The following RBM20 variants were observed in gnomAD, a reference collection of about 807,000 sequenced individuals.
The protein encoded by RBM20 is RNA-binding protein 20.
Under a neutral mutation model 110.1 loss-of-function variants are expected in RBM20, and 51 were observed. The observed-to-expected ratio is 0.46, with a 90% CI of 0.37 to 0.59. The LOEUF is 0.59. Among genes scored for constraint, RBM20 ranks in the 20% least tolerant of loss-of-function variants. RBM20 has a pLI of 0.00. For synonymous variants in RBM20, 589 were observed against 618.2 expected (o/e 0.95, Z 0.70); for missense variants, 1,512 against 1,574.9 (o/e 0.96, Z 0.68).
chr10:110,705,165 T>C (rs1702512803), intron 1 of RBM20, among the ~76,000 whole-genome samples: 1 of 152,232 alleles, frequency 6.6e-6, no homozygotes, highest in South Asian at 2.1e-4. Flanking sequence ...TTGGGTCATT[T>C]TGATGGAGTG....
chr10:110,679,931 C>T (rs116334184), intron 1 of RBM20, among the ~76,000 whole-genome samples: 171 of 152,318 alleles, frequency 1.1e-3, no homozygotes, highest in African/African-American at 3.8e-3. Flanking sequence ...CAGAGACGGT[C>T]GGCGGGCACC....
At chr10:110,709,423 C>T (rs1862889236) in intron 1 of RBM20, among the ~76,000 whole-genome samples, 1 of 152,156 alleles carries the variant, frequency 6.6e-6, no homozygotes, top group Non-Finnish European at 1.5e-5. Context: ...GCCAGCATTG[C>T]TGCCTGTCTG....
intron 1 of RBM20, among the ~76,000 whole-genome samples, chr10:110,646,106 G>A (rs753053883): frequency 1.3e-5 from 2 of 152,116 alleles, no homozygotes; most frequent in African/African-American, 2.4e-5. Flanking sequence ...GATGTGCTTC[G>A]TACGGAGCCA....
intron 1 of RBM20, among the ~76,000 whole-genome samples, chr10:110,650,300 G>A (rs1861927835): frequency 6.6e-6 from 1 of 152,216 alleles, no homozygotes; most frequent in Admixed American, 6.5e-5. Context: ...GATTTTATAA[G>A]ATAAGTAAGT....
chr10:110,659,523 G>A (rs780000257), intron 1 of RBM20, among the ~76,000 whole-genome samples: 5 of 152,166 alleles, frequency 3.3e-5, no homozygotes, highest in Non-Finnish European at 7.3e-5. Flanking sequence ...AGGCCAGATT[G>A]TGTGCAGGCA....
Position 110,812,536 on chromosome 10 carries a change from C to G in RBM20, c.2139C>G (p.His713Gln). ...ACCCCTGGGCACATGATCGCAAACA[C>G]CACCCCCGGCAACTGGACAAGGCTG... ...RMDPWAHDRK[H>Q]HPRQLDKAEL... Residue 713 changes from histidine to glutamine, a missense_variant, in exon 9 of 14, where the codon CAC becomes CAG. By Grantham distance (24) the His-to-Gln change is conservative. Coordinates refer to ENST00000369519, the MANE Select transcript of RBM20 (RefSeq NM_001134363.3). The G allele has an allele frequency of 6.4e-7, 1 of 1,551,742 alleles. No individual in the cohort carries two copies. The highest frequency in any genetic ancestry group is 8.7e-7 in the Non-Finnish European group (1 of 1,147,004).
rs571425920 is a variant in RBM20 at position 110,767,240 on chromosome 10, G to T, written c.192-13561G>T. 1.1e-3 allele frequency among the ~76,000 whole-genome samples: 160 copies of T among 140,026 alleles called. 1 individual carries two copies. Among genetic ancestry groups the T allele is most frequent in the African/African-American group, 4.1e-3 (150 of 36,934 alleles). The allele number at this position is 140,026 out of a possible 152,430, so 91.9% of individuals were successfully genotyped here. ...TGACCCCCCCACCTCCCTCCCGGAC[G>T]GGGTGGCTGGCCGGGCAGAGGGGCT... On this transcript the variant is annotated intron_variant, in intron 1 of 13. Transcript: ENST00000369519.
At chr10:110,803,867 G>A (rs548738643) in intron 7 of RBM20, among the ~76,000 whole-genome samples, 21 of 140,686 alleles carry the variant, frequency 1.5e-4, no homozygotes, top group East Asian at 4.2e-4. Flanking sequence ...TAAATGAAAC[G>A]TCCAGGAGTA....
chr10:110,648,348 A>G (rs982783985), intron 1 of RBM20, among the ~76,000 whole-genome samples: 6 of 152,346 alleles, frequency 3.9e-5, no homozygotes, highest in East Asian at 1.9e-4. Flanking sequence ...CTCTAATTTT[A>G]CAGACATTCT....
At chr10:110,719,141 T>G (rs1245328475) in intron 1 of RBM20, among the ~76,000 whole-genome samples, 1 of 152,246 alleles carries the variant, frequency 6.6e-6, no homozygotes, top group Non-Finnish European at 1.5e-5. Flanking sequence ...TTTTGGTAGA[T>G]TCTGCCAAAT....
At chr10:110,812,196 A>G (rs1844775890) in intron 8 of RBM20, 82 bp from the exon 9 acceptor site, 1 of 1,247,960 alleles carries the variant, frequency 8.0e-7, no homozygotes, top group Middle Eastern at 2.0e-4. Flanking sequence ...TATATCTAAG[A>G]CAGAGACTGT....
chr10:110,776,890 T>C (rs1031770664), intron 1 of RBM20, among the ~76,000 whole-genome samples: 10 of 149,842 alleles, frequency 6.7e-5, no homozygotes, highest in East Asian at 1.9e-4. Context: ...AAATTGTAGA[T>C]AGTGACCTAG....
intron 1 of RBM20, among the ~76,000 whole-genome samples, chr10:110,755,403 T>A (rs563732840): frequency 6.6e-6 from 1 of 152,228 alleles, no homozygotes; most frequent in African/African-American, 2.4e-5. Context: ...GGATGTGCTA[T>A]CATTCAGCTC....
chr10:110,822,074 G>T, intron 11 of RBM20, 139 bp downstream of exon 11: 3 of 865,412 alleles, frequency 3.5e-6, no homozygotes, highest in Non-Finnish European at 5.5e-6. Context: ...AAGTGATTTA[G>T]CAACAAAGGC....
intron 7 of RBM20, among the ~76,000 whole-genome samples, chr10:110,800,944 G>A (rs189876527): frequency 3.9e-4 from 60 of 152,148 alleles, no homozygotes; most frequent in Non-Finnish European, 6.8e-4. Flanking sequence ...TTGTTTTAGG[G>A]ACAAGGCTAA....
At chr10:110,782,099 T>C (rs192892969) in intron 2 of RBM20, among the ~76,000 whole-genome samples, 40 of 152,324 alleles carry the variant, frequency 2.6e-4, no homozygotes, top group Non-Finnish European at 5.0e-4. Context: ...GAGTCAGAAA[T>C]TCTTACACAC....
chr10:110,781,964 A>G (rs764541882), intron 2 of RBM20, 80 bp downstream of exon 2: 41 of 1,516,442 alleles, frequency 2.7e-5, no homozygotes, highest in Non-Finnish European at 3.1e-5. Context: ...CACGCTGCCA[A>G]TGGGCAAGGA....
At chr10:110,834,993 T>A (rs925814320) in intron 13 of RBM20, among the ~76,000 whole-genome samples, 2 of 152,164 alleles carry the variant, frequency 1.3e-5, no homozygotes, top group Non-Finnish European at 2.9e-5. Flanking sequence ...CATTTTTAAA[T>A]CCATCAAAAG....
intron 1 of RBM20, among the ~76,000 whole-genome samples, chr10:110,743,107 G>A (rs537072287): frequency 1.5e-4 from 23 of 152,282 alleles, no homozygotes; most frequent in African/African-American, 5.5e-4. Flanking sequence ...CCCTGTTTAA[G>A]GAACTCAGAC....
Sources: gnomAD v4.1 joint callset for allele counts (sites outside exome capture counted in the v4.1 genomes callset) on GRCh38, gnomAD v4.1.1 for gene constraint, MANE v1.5 for transcripts, NCBI Gene and HGNC (gene_info 2026-07-23, HGNC 2026-07-21) for gene names.